CDH3: variants seen among roughly 807,000 people sequenced by gnomAD.
CDH3 encodes the protein cadherin 3, also known as cadherin-3.
A neutral mutation model predicts 82.0 loss-of-function variants in CDH3; 54 were observed. That is an observed-to-expected ratio of 0.66 (90% CI 0.53 to 0.83). CDH3 has a LOEUF of 0.83. Ranked by LOEUF, CDH3 falls within the 40% of genes least tolerant of loss-of-function variation. The pLI, the probability that CDH3 is intolerant of heterozygous loss-of-function variation, is 0.00. For synonymous variants in CDH3, 446 were observed against 437.9 expected (o/e 1.02, Z -0.23); for missense variants, 1,054 against 1,084.6 (o/e 0.97, Z 0.40).
Position 68,687,545 on chromosome 16 carries a change from T to C in CDH3, c.1604T>C (p.Leu535Pro). The C allele has an allele frequency of 6.2e-7, 1 of 1,614,132 alleles. No individual in the cohort carries two copies. Among genetic ancestry groups the C allele is most frequent in the South Asian group, 1.1e-5 (1 of 91,084 alleles). ...CCCACCACTGGCACGGGAACCCTTCTGCTAACACTGATTGATGTCAATGAC... is the reference window on the plus strand; with the variant it reads ...CCCACCACTGGCACGGGAACCCTTCCGCTAACACTGATTGATGTCAATGAC... ...SPPTTGTGTL[L>P]LTLIDVNDHG... Residue 535 changes from leucine (L) to proline (P), a missense_variant, in exon 12 of 16, where the codon CTG becomes CCG. Coordinates refer to ENST00000264012, the MANE Select transcript of CDH3 (RefSeq NM_001793.6).
At chr16:68,727,602 CTCA>C (rs1962232511), downstream of CDH3, among the ~76,000 whole-genome samples, 1 of 151,930 alleles carries the variant, frequency 6.6e-6, no homozygotes, top group Non-Finnish European at 1.5e-5. Flanking sequence ...ATAATGAGTC[CTCA>C]TCTCTAATAA....
At chr16:68,679,659 C>T in intron 6 of CDH3, 140 bp from the exon 7 acceptor site, 1 of 617,246 alleles carries the variant, frequency 1.6e-6, no homozygotes. Context: ...CACACCATTG[C>T]ACTCCAGCCT....
Position 68,681,067 on chromosome 16 carries a change from G to A in CDH3, c.967G>A (p.Asp323Asn). Residue 323 changes from aspartate to asparagine, a missense_variant, in exon 8 of 16, where the codon GAC (aspartate) becomes AAC (asparagine). Physicochemically the swap from Asp to Asn is conservative, Grantham distance 23. Transcript: ENST00000264012. Reference protein sequence around the residue: ...VAVVEILDANDNAPMFDPQKY... With the variant: ...VAVVEILDANNNAPMFDPQKY... Reference sequence around the variant, plus strand: ...AGTAGTGGAGATCCTTGATGCCAATGACAATGCTCCCATGTTTGACCCCCA... The same window carrying A: ...AGTAGTGGAGATCCTTGATGCCAATAACAATGCTCCCATGTTTGACCCCCA... The A allele has an allele frequency of 6.2e-7, 1 of 1,614,052 alleles. No homozygotes were observed. Among genetic ancestry groups the A allele is most frequent in the Non-Finnish European group, 8.5e-7 (1 of 1,180,008 alleles).
downstream of CDH3, among the ~76,000 whole-genome samples, chr16:68,731,036 AAAAAAAAAAAAATAT>A (rs1457612727): frequency 3.8e-4 from 14 of 36,532 alleles, no homozygotes; most frequent in Non-Finnish European, 8.0e-4. Context: ...AAAAAAAAAA[AAAAAAAAAAAAATAT>A]ATATATATAT....
At chr16:68,694,886 A>G (rs1229672824) in intron 13 of CDH3, among the ~76,000 whole-genome samples, 1 of 152,136 alleles carries the variant, frequency 6.6e-6, no homozygotes, top group East Asian at 1.9e-4. Flanking sequence ...AGAATCTTCT[A>G]GGAGGAGGTG....
chr16:68,699,222 A>G lies in CDH3; in HGVS notation c.*822A>G, dbSNP rs1340352801. On this transcript the variant is annotated 3_prime_UTR_variant, in exon 16 of 16. Coordinates refer to ENST00000264012, the MANE Select transcript of CDH3 (RefSeq NM_001793.6). Reference sequence around the variant, plus strand: ...CCAAGCTTCCTCTCAATGGCAGGGGATACTCAGGGTCAGCTTCCATGCCTA... The same window carrying G: ...CCAAGCTTCCTCTCAATGGCAGGGGGTACTCAGGGTCAGCTTCCATGCCTA... 6.6e-6 allele frequency: 1 copy of G among 152,124 alleles called. No homozygotes were observed. The highest frequency in any genetic ancestry group is 2.4e-5 in the African/African-American group (1 of 41,426). 9.4% of individuals were successfully genotyped at this position (152,124 alleles called of 1,614,324 possible).
At position 68,695,799 on chromosome 16, in the gene CDH3, A is replaced by AGGACT; in HGVS notation, c.2156_2157insGGACT (p.His719GlnfsTer42). On this transcript the variant is annotated frameshift_variant, in exon 15 of 16. Coordinates refer to ENST00000264012, the MANE Select transcript of CDH3 (RefSeq NM_001793.6). LOFTEE classifies it high-confidence loss of function. ...CAGGACTATGACATCACCCAGCTCCACCGAGGTCTGGAGGCCAGGCCGGAG... is the reference window on the plus strand; with the variant it reads ...CAGGACTATGACATCACCCAGCTCCAGGACTCCGAGGTCTGGAGGCCAGGCCGGAG... The AGGACT allele has an allele frequency of 3.7e-6, 6 of 1,614,162 alleles. No homozygotes were observed. Among genetic ancestry groups the AGGACT allele is most frequent in the Non-Finnish European group, 5.1e-6 (6 of 1,180,038 alleles).
chr16:68,721,725 A>G (rs1962166812), intron 1 of CDH3, among the ~76,000 whole-genome samples: 1 of 152,156 alleles, frequency 6.6e-6, no homozygotes. Flanking sequence ...CTCAGCTTAA[A>G]TGTCACTTTG....
At chr16:68,720,687 T>C (rs1962151966) in intron 1 of CDH3, among the ~76,000 whole-genome samples, 1 of 151,664 alleles carries the variant, frequency 6.6e-6, no homozygotes, top group African/African-American at 2.4e-5. Context: ...ACGATCTCAG[T>C]TCACTGCAAC....
chr16:68,678,774 G>T lies in CDH3; in HGVS notation c.559G>T (p.Ala187Ser), dbSNP rs1961113012. 6.2e-7 allele frequency: 1 copy of T among 1,614,132 alleles called. No individual in the cohort carries two copies. The highest frequency in any genetic ancestry group is 8.5e-7 in the Non-Finnish European group (1 of 1,180,006). ...EIAKYELFGH[A>S]VSENGASVED... ...GTGTACCCCACAGCTCTTTGGCCAC[G>T]CTGTGTCAGAGAATGGTGCCTCAGT... The change falls in exon 6 of 16, where the codon GCT becomes TCT. Residue 187 changes from alanine (A) to serine (S), a missense_variant. By Grantham distance (99) the Ala-to-Ser change is moderately conservative. Transcript: ENST00000264012.
chr16:68,698,474 A>C lies in CDH3; in HGVS notation c.*74A>C. On this transcript the variant is annotated 3_prime_UTR_variant, in exon 16 of 16. Transcript: ENST00000264012. ...TCCAAGGGGTCTCAGTTCCCCCTTC[A>C]GCTGAGGACTTCGGAGCTTGTCAGG... 7.3e-7 allele frequency: 1 copy of C among 1,375,490 alleles called. No homozygotes were observed. The allele number at this position is 1,375,490 out of a possible 1,614,324, so 85.2% of individuals were successfully genotyped here.
intron 2 of CDH3, among the ~76,000 whole-genome samples, chr16:68,654,437 T>C: frequency 9.1e-6 from 1 of 109,298 alleles, no homozygotes; most frequent in South Asian, 3.6e-4. Flanking sequence ...GTGCGTTGGC[T>C]CACGCCTGTA....
the CDH3 span, among the ~76,000 whole-genome samples, chr16:68,733,422 C>T: frequency 6.6e-6 from 1 of 152,110 alleles, no homozygotes; most frequent in African/African-American, 2.4e-5. Flanking sequence ...AGCCACCAGG[C>T]CTGCTTAGGT....
At chr16:68,695,168 C>G (rs977558803) in intron 13 of CDH3, 87 bp from the exon 14 acceptor site, 201 of 1,383,690 alleles carry the variant, frequency 1.5e-4, no homozygotes, top group Non-Finnish European at 2.0e-4. Context: ...GTGAGGACAT[C>G]TGCAGTTAGA....
chr16:68,662,692 C>T (rs1477735210), intron 2 of CDH3, among the ~76,000 whole-genome samples: 2 of 151,336 alleles, frequency 1.3e-5, no homozygotes, highest in Non-Finnish European at 2.9e-5. Flanking sequence ...CTACAGGCAC[C>T]CGCCACCACG....
chr16:68,712,491 G>T (rs918854262), intron 1 of CDH3, among the ~76,000 whole-genome samples: 1 of 152,128 alleles, frequency 6.6e-6, no homozygotes, highest in African/African-American at 2.4e-5. Context: ...TCTAAGAGCG[G>T]GTAGTCTATG....
At chr16:68,731,386 AAAAAAAAAAATATAT>A (rs1280793101), downstream of CDH3, among the ~76,000 whole-genome samples, 1 of 26,194 alleles carries the variant, frequency 3.8e-5, no homozygotes, top group African/African-American at 2.2e-4. Context: ...AAAAAAAAAA[AAAAAAAAAAATATAT>A]ATATATATAT....
At chr16:68,679,713 A>AAG (rs1790707372) in intron 6 of CDH3, 86 bp from the exon 7 acceptor site, 1 of 792,572 alleles carries the variant, frequency 1.3e-6, no homozygotes, top group Non-Finnish European at 2.0e-6. Flanking sequence ...AAAAAAAAAA[A>AAG]AAAAAGAAAA....
downstream of CDH3, among the ~76,000 whole-genome samples, chr16:68,732,053 T>TTG (rs1962298472): frequency 6.7e-6 from 1 of 150,120 alleles, no homozygotes; most frequent in Non-Finnish European, 1.5e-5. Context: ...ATAAAACTGT[T>TTG]TTTTTTTTTT....
Sources: gnomAD v4.1 joint callset for allele counts (sites outside exome capture counted in the v4.1 genomes callset) on GRCh38, gnomAD v4.1.1 for gene constraint, MANE v1.5 for transcripts, NCBI Gene and HGNC (gene_info 2026-07-23, HGNC 2026-07-21) for gene names.